The following TSHZ3 variants were observed in gnomAD, a reference collection of about 807,000 sequenced individuals.
The protein encoded by TSHZ3 is teashirt zinc finger homeobox 3.
Under a neutral mutation model 64.5 loss-of-function variants are expected in TSHZ3, and 10 were observed. The observed-to-expected ratio is 0.16, with a 90% CI of 0.10 to 0.26. TSHZ3 has a LOEUF of 0.26. Among genes scored for constraint, TSHZ3 ranks in the 10% least tolerant of loss-of-function variants. The pLI, the probability that TSHZ3 is intolerant of heterozygous loss-of-function variation, is 1.00. For synonymous variants in TSHZ3, 608 were observed against 593.1 expected, an observed-to-expected ratio of 1.03 and a Z score of -0.36; for missense variants, 1,242 against 1,421.7, an observed-to-expected ratio of 0.87 and a Z score of 2.03.
At chr19:31,335,759 T>A (rs1363448934) in intron 1 of TSHZ3, among the ~76,000 whole-genome samples, 1 of 152,202 alleles carries the variant, frequency 6.6e-6, no homozygotes, top group Non-Finnish European at 1.5e-5. Context: ...TGGCAGGTGC[T>A]TTTGCTTATC....
At chr19:31,350,277 A>G (rs1284993877), upstream of TSHZ3, among the ~76,000 whole-genome samples, 5 of 148,248 alleles carry the variant, frequency 3.4e-5, no homozygotes, top group South Asian at 1.1e-3. Flanking sequence ...CTCCTCCCCC[A>G]GGACCCGCCG....
chr19:31,267,646 C>T (rs1976072082), intron 1 of TSHZ3, among the ~76,000 whole-genome samples: 2 of 135,898 alleles, frequency 1.5e-5, no homozygotes, highest in South Asian at 2.4e-4. Flanking sequence ...AGAATAAGCC[C>T]ATTTTTTTTT....
At chr19:31,337,477 C>T (rs1408385820) in intron 1 of TSHZ3, among the ~76,000 whole-genome samples, 1 of 152,104 alleles carries the variant, frequency 6.6e-6, no homozygotes, top group African/African-American at 2.4e-5. Context: ...ACTTGTACTC[C>T]AATCACCTTC....
intron 1 of TSHZ3, among the ~76,000 whole-genome samples, chr19:31,328,960 T>C (rs980634793): frequency 6.6e-6 from 1 of 152,138 alleles, no homozygotes; most frequent in Non-Finnish European, 1.5e-5. Flanking sequence ...CCAATCTCAC[T>C]TGCGGAAGAG....
intron 5 of TSHZ3, among the ~76,000 whole-genome samples, chr19:31,188,355 G>T (rs932910360): frequency 2.6e-5 from 4 of 151,652 alleles, no homozygotes; most frequent in African/African-American, 7.3e-5. Flanking sequence ...CAAACCCGAT[G>T]AATTTTATAT....
intron 1 of TSHZ3, among the ~76,000 whole-genome samples, chr19:31,317,659 C>T (rs755274840): frequency 9.2e-4 from 140 of 152,206 alleles, no homozygotes; most frequent in Non-Finnish European, 1.0e-3. Flanking sequence ...GAGAGCAGGG[C>T]GCATCCCCAG....
intron 6 of TSHZ3, among the ~76,000 whole-genome samples, chr19:31,152,720 G>T (rs1387899243): frequency 6.6e-6 from 1 of 152,078 alleles, no homozygotes; most frequent in Non-Finnish European, 1.5e-5. Flanking sequence ...CATGTCCAGT[G>T]CCCAGTCCAT....
intron 1 of TSHZ3, among the ~76,000 whole-genome samples, chr19:31,317,383 C>T (rs1227051721): frequency 6.6e-6 from 1 of 152,186 alleles, no homozygotes; most frequent in Non-Finnish European, 1.5e-5. Context: ...AGTGCAGGCT[C>T]TTGATGGGGC....
chr19:31,156,666 A>G (rs559259043), intron 5 of TSHZ3, among the ~76,000 whole-genome samples: 1 of 152,306 alleles, frequency 6.6e-6, no homozygotes, highest in South Asian at 2.1e-4. Flanking sequence ...TTGCAAAATC[A>G]TTCCCAGGGT....
intron 5 of TSHZ3, among the ~76,000 whole-genome samples, chr19:31,203,822 C>T (rs1244537168): frequency 1.3e-5 from 2 of 151,830 alleles, no homozygotes; most frequent in African/African-American, 4.8e-5. Context: ...TTTCTTTCTT[C>T]TCCCCTCTCT....
chr19:31,151,850 A>AT (rs1361973662), intron 6 of TSHZ3, among the ~76,000 whole-genome samples: 2 of 152,264 alleles, frequency 1.3e-5, no homozygotes, highest in East Asian at 3.9e-4. Context: ...AATTAAGTGC[A>AT]TTTTTTCATT....
chr19:31,302,933 A>G (rs1434652398), intron 1 of TSHZ3, among the ~76,000 whole-genome samples: 9 of 152,174 alleles, frequency 5.9e-5, no homozygotes, highest in Admixed American at 5.9e-4. Context: ...ACGTGGCTTG[A>G]GTTCATCTTT....
chr19:31,306,968 G>A (rs765052713), intron 1 of TSHZ3, among the ~76,000 whole-genome samples: 1 of 151,966 alleles, frequency 6.6e-6, no homozygotes, highest in Non-Finnish European at 1.5e-5. Context: ...CTGCAGACTT[G>A]GAGTCCTCCT....
intron 1 of TSHZ3, among the ~76,000 whole-genome samples, chr19:31,302,345 G>C (rs1243489021): frequency 6.6e-6 from 1 of 152,118 alleles, no homozygotes; most frequent in Non-Finnish European, 1.5e-5. Context: ...TGTGTGAATG[G>C]GACATAAGAC....
chr19:31,308,863 A>G (rs1157052768), intron 1 of TSHZ3, among the ~76,000 whole-genome samples: 1 of 152,232 alleles, frequency 6.6e-6, no homozygotes, highest in Non-Finnish European at 1.5e-5. Flanking sequence ...CAAACAGAGG[A>G]AAGGACTGAC....
At chr19:31,266,044 T>C (rs574019236) in intron 1 of TSHZ3, among the ~76,000 whole-genome samples, 89 of 152,272 alleles carry the variant, frequency 5.8e-4, no homozygotes, top group African/African-American at 2.1e-3. Flanking sequence ...GAGGAACAGG[T>C]GTCCTGTGAG....
chr19:31,297,422 C>CTT (rs5827762), intron 1 of TSHZ3, among the ~76,000 whole-genome samples: 11 of 151,810 alleles, frequency 7.2e-5, no homozygotes, highest in East Asian at 3.9e-4. Flanking sequence ...CTTCCTGTCT[C>CTT]TTTTTTTTGC....
At chr19:31,170,761 T>C (rs994005780) in intron 5 of TSHZ3, among the ~76,000 whole-genome samples, 1 of 152,244 alleles carries the variant, frequency 6.6e-6, no homozygotes, top group African/African-American at 2.4e-5. Flanking sequence ...ACAAAGTAAA[T>C]ATTTTTTTGT....
At chr19:31,168,003 T>C (rs565448662) in intron 5 of TSHZ3, among the ~76,000 whole-genome samples, 17 of 152,204 alleles carry the variant, frequency 1.1e-4, no homozygotes, top group Admixed American at 2.6e-4. Context: ...CTCTTTTATA[T>C]CTGCCTGTAA....
Sources: allele counts gnomAD v4.1 joint callset (sites outside exome capture counted in the v4.1 genomes callset), GRCh38; gene constraint gnomAD v4.1.1; transcripts MANE v1.5; gene names NCBI Gene and HGNC (gene_info 2026-07-23, HGNC 2026-07-21).